Variants in NDFIP2 observed in about 807,000 individuals in gnomAD.
NDFIP2 encodes Nedd4 family interacting protein 2, also known as NEDD4 family-interacting protein 2.
Under a neutral mutation model 36.0 loss-of-function variants are expected in NDFIP2, and 19 were observed. The ratio of observed to expected loss-of-function variants is 0.53; its 90% CI spans 0.37 to 0.77. The LOEUF is 0.77. NDFIP2 is among the 30% of genes least tolerant of loss of function. NDFIP2 has a pLI of 0.00. For synonymous variants in NDFIP2, 181 were observed against 167.7 expected, an observed-to-expected ratio of 1.08 and a Z score of -0.61; for missense variants, 446 against 435.8, an observed-to-expected ratio of 1.02 and a Z score of -0.21.
At position 79,555,327 on chromosome 13, in the gene NDFIP2, G is replaced by C. The variant is rs1327914487; in HGVS notation, c.*2814G>C. 1.3e-5 allele frequency: 2 copies of C among 150,552 alleles called. No individual in the cohort carries two copies. Among genetic ancestry groups the C allele is most frequent in the Non-Finnish European group, 3.0e-5 (2 of 67,604 alleles). The allele number at this position is 150,552 out of a possible 1,614,324, so 9.3% of individuals were successfully genotyped here. ...TTAACTAAGGTAATATATATCCTTA[G>C]TTTGCTCAAAAGAGTCCTGGTTATT... On this transcript the variant is annotated 3_prime_UTR_variant, in exon 8 of 8. Coordinates refer to ENST00000218652, the MANE Select transcript of NDFIP2 (RefSeq NM_019080.3).
chr13:79,551,695 G>A (rs1487392601), intron 7 of NDFIP2, among the ~76,000 whole-genome samples: 1 of 151,420 alleles, frequency 6.6e-6, no homozygotes, highest in Non-Finnish European at 1.5e-5. Context: ...TGAATAAGTA[G>A]GAATATGAAG....
chr13:79,534,280 G>A (rs1411479917), intron 3 of NDFIP2, among the ~76,000 whole-genome samples: 1 of 149,814 alleles, frequency 6.7e-6, no homozygotes, highest in Non-Finnish European at 1.5e-5. Context: ...TTTAGTGACT[G>A]TGAAAGAACT....
At chr13:79,485,446 G>C (rs1387404380) in intron 1 of NDFIP2, among the ~76,000 whole-genome samples, 12 of 152,184 alleles carry the variant, frequency 7.9e-5, no homozygotes, top group African/African-American at 2.2e-4. Context: ...TTCTGGATGA[G>C]ATAATGTATA....
chr13:79,489,892 C>T (rs1873159008), intron 1 of NDFIP2, among the ~76,000 whole-genome samples: 1 of 152,194 alleles, frequency 6.6e-6, no homozygotes, highest in Admixed American at 6.5e-5. Flanking sequence ...GCAGTTAGGT[C>T]CACCTACATG....
At chr13:79,522,363 T>G (rs1337961681) in intron 2 of NDFIP2, among the ~76,000 whole-genome samples, 1 of 152,166 alleles carries the variant, frequency 6.6e-6, no homozygotes. Context: ...AATTTGATTA[T>G]AATTTTGAAG....
chr13:79,522,624 T>C (rs1356521541), intron 2 of NDFIP2, among the ~76,000 whole-genome samples: 1 of 152,130 alleles, frequency 6.6e-6, no homozygotes, highest in Non-Finnish European at 1.5e-5. Context: ...GTTGGAATTA[T>C]CTCAAAAGCT....
chr13:79,551,408 A>G (rs993818955), intron 7 of NDFIP2, among the ~76,000 whole-genome samples: 1 of 151,618 alleles, frequency 6.6e-6, no homozygotes, highest in East Asian at 1.9e-4. Context: ...AAGATTAACC[A>G]TAGAATGTAT....
intron 2 of NDFIP2, among the ~76,000 whole-genome samples, chr13:79,521,970 G>A (rs1026861345): frequency 3.3e-5 from 5 of 151,562 alleles, no homozygotes; most frequent in East Asian, 1.9e-4. Context: ...GACTACAGGC[G>A]CCCACGACCA....
chr13:79,516,615 A>G (rs1874349427), intron 1 of NDFIP2, among the ~76,000 whole-genome samples: 2 of 152,198 alleles, frequency 1.3e-5, no homozygotes, highest in African/African-American at 4.8e-5. Flanking sequence ...GATAGTATAC[A>G]TATTCATTGG....
At chr13:79,545,897 G>A (rs1875653225) in intron 5 of NDFIP2, among the ~76,000 whole-genome samples, 1 of 152,118 alleles carries the variant, frequency 6.6e-6, no homozygotes, top group South Asian at 2.1e-4. Flanking sequence ...CTCCACGCCT[G>A]GCTAATTTTT....
chr13:79,526,957 A>G (rs1338947024), intron 2 of NDFIP2, among the ~76,000 whole-genome samples: 2 of 152,244 alleles, frequency 1.3e-5, no homozygotes, highest in African/African-American at 4.8e-5. Context: ...TCAGTGGTAA[A>G]GACAGAATTC....
chr13:79,486,206 G>A (rs539450488), intron 1 of NDFIP2, among the ~76,000 whole-genome samples: 8 of 152,174 alleles, frequency 5.3e-5, no homozygotes, highest in African/African-American at 1.9e-4. Flanking sequence ...TTTTAAATAA[G>A]GGATACTCAA....
Position 79,520,845 on chromosome 13 carries a change from T to G in NDFIP2, c.357T>G (p.Ala119=). The G allele has an allele frequency of 6.2e-7, 1 of 1,613,978 alleles. No homozygotes were observed. The highest frequency in any genetic ancestry group is 8.5e-7 in the Non-Finnish European group (1 of 1,179,874). ...AAGAGGATAACTCAGAATCATCGGC[T>G]ATAGAGCAGCCACCTACTTCAAACC... The part of the protein sequence containing the change: ...LNEEDNSESS[A]IEQPPTSNPA... The change falls in exon 2 of 8, where the codon GCT becomes GCG. Residue 119 remains alanine (A), a synonymous_variant. Transcript: ENST00000218652.
chr13:79,536,845 G>A (rs1169646632), intron 3 of NDFIP2, among the ~76,000 whole-genome samples: 3 of 151,814 alleles, frequency 2.0e-5, no homozygotes, highest in African/African-American at 4.8e-5. Context: ...GCAACACAGC[G>A]AGACCTTATT....
intron 6 of NDFIP2, among the ~76,000 whole-genome samples, chr13:79,548,893 C>T (rs1296984104): frequency 2.0e-5 from 3 of 151,864 alleles, no homozygotes; most frequent in Non-Finnish European, 2.9e-5. Context: ...TCCTATAAGA[C>T]GTGTCTTTTT....
chr13:79,535,728 T>C (rs930872528), intron 3 of NDFIP2, among the ~76,000 whole-genome samples: 1 of 152,144 alleles, frequency 6.6e-6, no homozygotes, highest in African/African-American at 2.4e-5. Flanking sequence ...CTGATTGAGA[T>C]GAAAAATTGG....
Position 79,511,599 on chromosome 13 carries a change from G to A in NDFIP2, c.322-9211G>A, listed in dbSNP as rs370913966. Among the ~76,000 whole-genome samples the A allele has an allele frequency of 2.1e-4, 32 of 152,268 alleles. No homozygotes were observed. In the South Asian group the frequency reaches 6.6e-3, roughly 32 times the overall value. On this transcript the variant is annotated intron_variant, in intron 1 of 7. Transcript: ENST00000218652. Reference sequence around the variant, plus strand: ...GAGGTGTGTGATACTGAATCTTGAGGTGTTCAGTGCATATTGCATCCATTA... The same window carrying A: ...GAGGTGTGTGATACTGAATCTTGAGATGTTCAGTGCATATTGCATCCATTA...
chr13:79,481,450 T>C lies in NDFIP2; in HGVS notation c.247T>C (p.Ser83Pro). The C allele has an allele frequency of 6.4e-7, 1 of 1,561,924 alleles. No individual in the cohort carries two copies. Among genetic ancestry groups the C allele is most frequent in the Non-Finnish European group, 8.7e-7 (1 of 1,152,868 alleles). The stretch of plus-strand genomic sequence containing the variant: ...CGTGGGAGCTGAGCACGGAGAAGAC[T>C]CCCTCTCTCGGAAGCCGGATCCCGA... ...VAVGAEHGED[S>P]LSRKPDPEPG... is the part of the protein sequence containing the mutation. Residue 83 changes from serine to proline, a missense_variant, in exon 1 of 8, where the codon TCC (serine) becomes CCC (proline). Ser to Pro is a moderately conservative substitution (Grantham distance 74). Transcript: ENST00000218652.
At chr13:79,542,362 G>A (rs1425856031) in intron 4 of NDFIP2, among the ~76,000 whole-genome samples, 1 of 152,196 alleles carries the variant, frequency 6.6e-6, no homozygotes, top group Non-Finnish European at 1.5e-5. Flanking sequence ...GTTTTGAAAT[G>A]TGAATTCTGA....
Sources: allele counts gnomAD v4.1 joint callset (sites outside exome capture counted in the v4.1 genomes callset), GRCh38; gene constraint gnomAD v4.1.1; transcripts MANE v1.5; gene names NCBI Gene and HGNC (gene_info 2026-07-23, HGNC 2026-07-21).